CRPPA: variants seen among roughly 807,000 people sequenced by gnomAD.
CRPPA encodes CDP-L-ribitol pyrophosphorylase A, also known as D-ribitol-5-phosphate cytidylyltransferase.
Under a neutral mutation model 52.0 loss-of-function variants are expected in CRPPA, and 43 were observed. The ratio of observed to expected loss-of-function variants is 0.83; its 90% confidence interval spans 0.65 to 1.07. The LOEUF is 1.07. Ranked by LOEUF, CRPPA falls within the 50% of genes least tolerant of loss-of-function variation. CRPPA has a pLI of 0.00. For missense variants in CRPPA, 629 were observed against 551.7 expected (o/e 1.14, Z -1.40); for synonymous variants, 250 against 203.5 (o/e 1.23, Z -1.94).
intron 9 of CRPPA, among the ~76,000 whole-genome samples, chr7:16,118,777 T>A (rs941035598): frequency 6.6e-6 from 1 of 152,170 alleles, no homozygotes; most frequent in Non-Finnish European, 1.5e-5. Context: ...TAAGGAAAAC[T>A]AAATCTGAAG....
chr7:16,179,533 G>C (rs2128387267), intron 9 of CRPPA, among the ~76,000 whole-genome samples: 1 of 152,188 alleles, frequency 6.6e-6, no homozygotes, highest in Non-Finnish European at 1.5e-5. Context: ...AGAGACTGAA[G>C]TCTTGTGCTT....
At chr7:16,398,556 ATCG>A (rs1787685907) in intron 2 of CRPPA, among the ~76,000 whole-genome samples, 1 of 152,222 alleles carries the variant, frequency 6.6e-6, no homozygotes, top group Non-Finnish European at 1.5e-5. Context: ...GTGACACGTG[ATCG>A]TCAAGTGATC....
chr7:16,310,868 A>G (rs889825520), intron 3 of CRPPA, among the ~76,000 whole-genome samples: 1 of 152,164 alleles, frequency 6.6e-6, no homozygotes, highest in African/African-American at 2.4e-5. Flanking sequence ...TAGAACAAAG[A>G]AGCAAATTAA....
chr7:16,152,334 A>G (rs964245177), intron 9 of CRPPA, among the ~76,000 whole-genome samples: 12 of 152,108 alleles, frequency 7.9e-5, no homozygotes, highest in African/African-American at 2.9e-4. Flanking sequence ...TATAAGTTAC[A>G]TAAGATAAAC....
At chr7:16,259,848 A>G (rs559731450) in intron 6 of CRPPA, among the ~76,000 whole-genome samples, 21 of 152,034 alleles carry the variant, frequency 1.4e-4, no homozygotes, top group African/African-American at 5.1e-4. Flanking sequence ...AAACTCTGTA[A>G]CTCTGTACAT....
At chr7:16,194,002 C>T (rs190406111) in intron 9 of CRPPA, among the ~76,000 whole-genome samples, 7 of 152,082 alleles carry the variant, frequency 4.6e-5, no homozygotes, top group Middle Eastern at 3.4e-3. Context: ...TTGAAAACAC[C>T]AATGGTGAAA....
intron 1 of CRPPA, among the ~76,000 whole-genome samples, chr7:16,418,162 A>G (rs529893684): frequency 6.6e-6 from 1 of 152,354 alleles, no homozygotes; most frequent in South Asian, 2.1e-4. Flanking sequence ...CAAATGGCCA[A>G]GCAGCACCCA....
intron 9 of CRPPA, among the ~76,000 whole-genome samples, chr7:16,215,532 G>C: frequency 6.6e-6 from 1 of 152,156 alleles, no homozygotes. Context: ...TAAGTACCAT[G>C]CCCTCTTATA....
chr7:16,202,357 A>G (rs574263416), intron 9 of CRPPA, among the ~76,000 whole-genome samples: 1 of 152,322 alleles, frequency 6.6e-6, no homozygotes, highest in South Asian at 2.1e-4. Flanking sequence ...AAACCAATAG[A>G]GTAGTACATT....
intron 9 of CRPPA, among the ~76,000 whole-genome samples, chr7:16,180,012 T>A (rs1781378783): frequency 6.6e-6 from 1 of 152,116 alleles, no homozygotes; most frequent in East Asian, 1.9e-4. Context: ...AAGAAAAGGT[T>A]TTTTCCTAAT....
chr7:16,329,383 A>C (rs926814945), intron 3 of CRPPA, among the ~76,000 whole-genome samples: 1 of 152,142 alleles, frequency 6.6e-6, no homozygotes, highest in African/African-American at 2.4e-5. Flanking sequence ...TTAAAATTGT[A>C]AGTGAAGTGC....
At chr7:16,241,064 A>G (rs200203813) in intron 8 of CRPPA, among the ~76,000 whole-genome samples, 2 of 152,266 alleles carry the variant, frequency 1.3e-5, no homozygotes, top group East Asian at 3.9e-4. Context: ...ATACACAGTA[A>G]TACACTAGAT....
At chr7:16,113,283 T>A (rs918860564) in intron 9 of CRPPA, among the ~76,000 whole-genome samples, 1 of 151,970 alleles carries the variant, frequency 6.6e-6, no homozygotes, top group Non-Finnish European at 1.5e-5. Flanking sequence ...TCAGAATATA[T>A]ATTAGACAAT....
chr7:16,352,957 G>A (rs1016642718), intron 3 of CRPPA, among the ~76,000 whole-genome samples: 35 of 151,130 alleles, frequency 2.3e-4, no homozygotes, highest in Non-Finnish European at 1.5e-4. Context: ...CAAAAGACAG[G>A]AAATTGTCAT....
chr7:16,403,060 A>T (rs556540963), intron 2 of CRPPA, among the ~76,000 whole-genome samples: 1 of 152,200 alleles, frequency 6.6e-6, no homozygotes, highest in African/African-American at 2.4e-5. Context: ...AAGGATTACA[A>T]TTAGGTTGGT....
chr7:16,168,770 G>A lies in CRPPA; in HGVS notation c.1251+47296C>T, dbSNP rs567840599. On this transcript the variant is annotated intron_variant, in intron 9 of 9. Coordinates refer to ENST00000407010, the MANE Select transcript of CRPPA (RefSeq NM_001101426.4). ...CAATGTTAGCCAGACTGACGGTTAC[G>A]TTAACAAATACACATGCTAAAAGAA... Among the ~76,000 whole-genome samples the A allele has an allele frequency of 2.9e-3, 446 of 152,184 alleles. 3 individuals are homozygous for A. Among genetic ancestry groups the A allele is most frequent in the African/African-American group, 0.01 (426 of 41,532 alleles).
At chr7:16,109,916 T>C (rs1273669162) in intron 9 of CRPPA, among the ~76,000 whole-genome samples, 1 of 152,020 alleles carries the variant, frequency 6.6e-6, no homozygotes, top group Non-Finnish European at 1.5e-5. Flanking sequence ...CACTTACCAC[T>C]TCTATTTTAT....
At chr7:16,114,703 GA>G (rs988233092) in intron 9 of CRPPA, among the ~76,000 whole-genome samples, 1 of 151,358 alleles carries the variant, frequency 6.6e-6, no homozygotes, top group Non-Finnish European at 1.5e-5. Flanking sequence ...AAGAGGAAAA[GA>G]AAAAAAATTA....
chr7:16,146,755 A>C (rs1782982047), intron 9 of CRPPA, among the ~76,000 whole-genome samples: 1 of 151,662 alleles, frequency 6.6e-6, no homozygotes, highest in Admixed American at 6.5e-5. Flanking sequence ...GATAAAATGT[A>C]TAATAGACAC....
Sources: allele counts gnomAD v4.1 joint callset (sites outside exome capture counted in the v4.1 genomes callset), GRCh38; gene constraint gnomAD v4.1.1; transcripts MANE v1.5; gene names NCBI Gene and HGNC (gene_info 2026-07-23, HGNC 2026-07-21).